GPC5: variants seen among roughly 807,000 people sequenced by gnomAD.
The protein encoded by GPC5 is glypican 5, also known as glypican-5.
Under a neutral mutation model 53.9 loss-of-function variants are expected in GPC5, and 47 were observed. The observed-to-expected ratio is 0.87, with a 90% CI of 0.69 to 1.11. GPC5 has a LOEUF of 1.11. GPC5 is among the 50% of genes most tolerant of loss of function. The pLI is 0.00. For missense variants in GPC5, 748 were observed against 713.1 expected, an observed-to-expected ratio of 1.05 and a Z score of -0.56; for synonymous variants, 286 against 263.3, an observed-to-expected ratio of 1.09 and a Z score of -0.84.
chr13:91,961,494 C>T (rs955320530), intron 6 of GPC5, among the ~76,000 whole-genome samples: 6 of 151,662 alleles, frequency 4.0e-5, no homozygotes, highest in African/African-American at 7.3e-5. Context: ...AGTGTAAATA[C>T]GTGTAAACTT....
intron 7 of GPC5, among the ~76,000 whole-genome samples, chr13:92,460,430 T>G (rs1878431954): frequency 1.3e-5 from 2 of 152,068 alleles, no homozygotes; most frequent in South Asian, 4.2e-4. Context: ...CTTACTTTCT[T>G]TTTTTTTCTT....
intron 2 of GPC5, among the ~76,000 whole-genome samples, chr13:91,574,500 G>A (rs776857528): frequency 1.3e-5 from 2 of 151,974 alleles, no homozygotes; most frequent in Non-Finnish European, 2.9e-5. Flanking sequence ...ATAAGGGACC[G>A]ACAGAACAAG....
At chr13:92,135,361 G>GT (rs1449744653) in intron 6 of GPC5, among the ~76,000 whole-genome samples, 2 of 152,068 alleles carry the variant, frequency 1.3e-5, no homozygotes, top group African/African-American at 4.8e-5. Flanking sequence ...CCTACTTGAG[G>GT]TTATGTTTTC....
intron 5 of GPC5, among the ~76,000 whole-genome samples, chr13:91,868,949 T>C (rs1326271447): frequency 9.2e-5 from 14 of 152,116 alleles, no homozygotes; most frequent in Admixed American, 9.2e-4. Flanking sequence ...ACATTTCACT[T>C]TTTGAAAAAG....
intron 6 of GPC5, among the ~76,000 whole-genome samples, chr13:92,032,428 C>T (rs2040859885): frequency 2.0e-5 from 3 of 150,708 alleles, no homozygotes; most frequent in African/African-American, 7.3e-5. Flanking sequence ...TCCCCCCAAA[C>T]CTATGGAAAT....
chr13:91,721,327 G>A (rs1270444324), intron 3 of GPC5, among the ~76,000 whole-genome samples: 1 of 151,956 alleles, frequency 6.6e-6, no homozygotes, highest in Non-Finnish European at 1.5e-5. Context: ...TAGAGATAGG[G>A]TTTCACCGTG....
chr13:92,262,969 T>C (rs1164920718), intron 7 of GPC5, among the ~76,000 whole-genome samples: 1 of 152,106 alleles, frequency 6.6e-6, no homozygotes, highest in Non-Finnish European at 1.5e-5. Flanking sequence ...ATTTCCATAC[T>C]CTTTAGCTAT....
chr13:91,947,061 G>A (rs1187570058), intron 6 of GPC5, among the ~76,000 whole-genome samples: 1 of 152,130 alleles, frequency 6.6e-6, no homozygotes, highest in Non-Finnish European at 1.5e-5. Flanking sequence ...TAAGGCACAA[G>A]TGACATTGTT....
At chr13:92,774,905 A>G (rs947339653) in intron 7 of GPC5, among the ~76,000 whole-genome samples, 3 of 152,226 alleles carry the variant, frequency 2.0e-5, no homozygotes, top group African/African-American at 7.2e-5. Flanking sequence ...AAAAAAGATT[A>G]AAGTTGTCTC....
chr13:92,068,372 G>T (rs1289636121), intron 6 of GPC5, among the ~76,000 whole-genome samples: 1 of 151,766 alleles, frequency 6.6e-6, no homozygotes, highest in Non-Finnish European at 1.5e-5. Context: ...TGCTCATATT[G>T]TAACCGGTGA....
intron 2 of GPC5, among the ~76,000 whole-genome samples, chr13:91,467,743 G>A (rs1363228794): frequency 6.6e-6 from 1 of 152,062 alleles, no homozygotes; most frequent in African/African-American, 2.4e-5. Flanking sequence ...TTATTAAGAG[G>A]AATTAATTTT....
chr13:91,579,698 G>A (rs545268025), intron 2 of GPC5, among the ~76,000 whole-genome samples: 3 of 145,194 alleles, frequency 2.1e-5, no homozygotes, highest in Non-Finnish European at 4.5e-5. Context: ...GCGCGATCTC[G>A]GCTTACTGCA....
chr13:91,729,599 G>A (rs568526228), intron 4 of GPC5, among the ~76,000 whole-genome samples: 1 of 151,998 alleles, frequency 6.6e-6, no homozygotes, highest in East Asian at 1.9e-4. Context: ...TCATCAGATG[G>A]GCTGTATGCA....
chr13:92,378,680 A>G (rs2043714465), intron 7 of GPC5, among the ~76,000 whole-genome samples: 1 of 152,220 alleles, frequency 6.6e-6, no homozygotes, highest in African/African-American at 2.4e-5. Flanking sequence ...TTAATGATAT[A>G]TGAAATGGAA....
At chr13:91,854,135 T>C (rs1175109800) in intron 5 of GPC5, among the ~76,000 whole-genome samples, 1 of 151,834 alleles carries the variant, frequency 6.6e-6, no homozygotes, top group Non-Finnish European at 1.5e-5. Context: ...AGAGGTGCTA[T>C]AACCAATTAA....
intron 5 of GPC5, among the ~76,000 whole-genome samples, chr13:91,831,926 G>A (rs2038664710): frequency 6.6e-6 from 1 of 151,964 alleles, no homozygotes; most frequent in Admixed American, 6.6e-5. Flanking sequence ...TGAGAATTAT[G>A]CATATTCTAT....
chr13:92,628,253 TC>T (rs1885110814), intron 7 of GPC5, among the ~76,000 whole-genome samples: 9 of 132,804 alleles, frequency 6.8e-5, no homozygotes, highest in Admixed American at 2.5e-4. Context: ...CTTTTCTTTT[TC>T]TTTTTCTTTC....
At chr13:92,566,852 A>T (rs1882879263) in intron 7 of GPC5, among the ~76,000 whole-genome samples, 1 of 152,116 alleles carries the variant, frequency 6.6e-6, no homozygotes, top group East Asian at 1.9e-4. Flanking sequence ...TATTAAAGAG[A>T]TTACCAAATT....
At chr13:92,628,468 G>A (rs1460051362) in intron 7 of GPC5, among the ~76,000 whole-genome samples, 1 of 151,316 alleles carries the variant, frequency 6.6e-6, no homozygotes. Flanking sequence ...CTGCTTTGGG[G>A]GTCAGCAGTG....
Sources: gnomAD v4.1 joint callset for allele counts (sites outside exome capture counted in the v4.1 genomes callset) on GRCh38, gnomAD v4.1.1 for gene constraint, MANE v1.5 for transcripts, NCBI Gene and HGNC (gene_info 2026-07-23, HGNC 2026-07-21) for gene names.